The following TMEM44 variants were observed in gnomAD, a reference collection of about 807,000 sequenced individuals.
TMEM44 encodes transmembrane protein 44.
Under a neutral mutation model 47.8 loss-of-function variants are expected in TMEM44, and 43 were observed. The observed-to-expected ratio is 0.90, with a 90% confidence interval of 0.70 to 1.16. The LOEUF (loss-of-function observed/expected upper bound fraction) is 1.16. Ranked by LOEUF, TMEM44 falls within the 50% of genes most tolerant of loss-of-function variation. The probability of loss-of-function intolerance (pLI) is 0.00; values close to 1 mark genes in which losing one functional copy is unlikely to be tolerated. For synonymous variants in TMEM44, 277 were observed against 238.8 expected, an observed-to-expected ratio of 1.16 and a Z score of -1.48; for missense variants, 568 against 555.2, an observed-to-expected ratio of 1.02 and a Z score of -0.23.
chr3:194,617,262 C>T lies in TMEM44; in HGVS notation c.620G>A (p.Gly207Glu). 1 of 1,534,544 alleles carries T rather than the reference C, an allele frequency of 6.5e-7. No individual in the cohort carries two copies. Among genetic ancestry groups the T allele is most frequent in the Non-Finnish European group, 8.8e-7 (1 of 1,137,756 alleles). ...CAGGTGGATGGAGGGAAATGTCTTC[C>T]CCCGGCACTGGGCAGAGAGAGGGAG... ...RIPPLSRICR[G>E]KTFPSIHLWT... Residue 207 changes from glycine to glutamate, a missense_variant, in exon 6 of 10, where the codon GGG becomes GAG. Transcript: ENST00000347147.
chr3:194,607,109 G>T (rs1335805671), intron 8 of TMEM44, among the ~76,000 whole-genome samples: 1 of 152,108 alleles, frequency 6.6e-6, no homozygotes, highest in Non-Finnish European at 1.5e-5. Flanking sequence ...CCTGGTGGGA[G>T]GTGTCTGGAT....
At chr3:194,609,224 G>A (rs950610321) in intron 8 of TMEM44, among the ~76,000 whole-genome samples, 7 of 152,170 alleles carry the variant, frequency 4.6e-5, no homozygotes, top group Admixed American at 3.9e-4. Flanking sequence ...CTGGGCAGCC[G>A]AGATGGGAAC....
At chr3:194,599,868 T>C (rs1157943339) in intron 9 of TMEM44, among the ~76,000 whole-genome samples, 1 of 67,092 alleles carries the variant, frequency 1.5e-5, no homozygotes, top group Non-Finnish European at 3.1e-5. Flanking sequence ...CAAGTGATTC[T>C]CCTATCTCAG....
intron 8 of TMEM44, among the ~76,000 whole-genome samples, chr3:194,610,382 C>CAGCAGA (rs1307968247): frequency 1.3e-5 from 2 of 152,088 alleles, no homozygotes; most frequent in African/African-American, 4.8e-5. Flanking sequence ...CTTTGAAAAC[C>CAGCAGA]AGCAGAAGCA....
chr3:194,609,390 A>G (rs1182673274), intron 8 of TMEM44, among the ~76,000 whole-genome samples: 3 of 152,168 alleles, frequency 2.0e-5, no homozygotes, highest in Non-Finnish European at 1.5e-5. Flanking sequence ...GCTTACCCAG[A>G]GGAGCCAGCA....
intron 5 of TMEM44, 73 bp from the exon 6 acceptor site, chr3:194,617,342 C>CA (rs1716025806): frequency 6.9e-7 from 1 of 1,440,390 alleles, no homozygotes; most frequent in African/African-American, 1.4e-5. Flanking sequence ...AGTGGCACAG[C>CA]AGGTTGCGGG....
intron 8 of TMEM44, among the ~76,000 whole-genome samples, chr3:194,610,689 T>G (rs1715224737): frequency 6.6e-6 from 1 of 152,212 alleles, no homozygotes; most frequent in Non-Finnish European, 1.5e-5. Flanking sequence ...AAGCTGTTTT[T>G]TCTTGTTACT....
chr3:194,608,930 G>C (rs1363454481), intron 8 of TMEM44, among the ~76,000 whole-genome samples: 2 of 152,208 alleles, frequency 1.3e-5, no homozygotes, highest in African/African-American at 2.4e-5. Flanking sequence ...GAGATGGGCA[G>C]GGCAGGACCA....
Position 194,588,389 on chromosome 3 carries a change from C to T in TMEM44, c.*140G>A, listed in dbSNP as rs1456415781. 2 of 694,794 alleles carry T rather than the reference C, an allele frequency of 2.9e-6. No individual in the cohort carries two copies. Among genetic ancestry groups the T allele is most frequent in the Non-Finnish European group, 4.9e-6 (2 of 409,332 alleles). 43.0% of individuals were successfully genotyped at this position (694,794 alleles called of 1,614,324 possible). ...TGAGCTATGATGTAGCCCAGCCACACTCAGTGACGGCTCCTGGTTCCTCAC... is the reference window on the plus strand; with the variant it reads ...TGAGCTATGATGTAGCCCAGCCACATTCAGTGACGGCTCCTGGTTCCTCAC... On this transcript the variant is annotated 3_prime_UTR_variant, in exon 10 of 10. Coordinates refer to ENST00000347147, the MANE Select transcript of TMEM44 (RefSeq NM_001011655.3).
At chr3:194,630,373 C>G (rs1459435784) in intron 1 of TMEM44, among the ~76,000 whole-genome samples, 2 of 111,742 alleles carry the variant, frequency 1.8e-5, no homozygotes, top group African/African-American at 7.3e-5. Flanking sequence ...ACCTGCCTCC[C>G]GAAGGGGCTG....
In TMEM44 at chr3:194,633,116, T is replaced by C; in HGVS notation, c.100A>G (p.Ile34Val). 1.3e-6 allele frequency: 2 copies of C among 1,550,922 alleles called. No individual in the cohort carries two copies. Among genetic ancestry groups the C allele is most frequent in the Non-Finnish European group, 1.7e-6 (2 of 1,147,798 alleles). Residue 34 changes from isoleucine to valine, a missense_variant, in exon 1 of 10, where the codon ATC becomes GTC. By Grantham distance (29) the Ile-to-Val change is conservative. Coordinates refer to ENST00000347147, the MANE Select transcript of TMEM44 (RefSeq NM_001011655.3). ...HRVCISFGLW[I>V]CASSCWIAAH... ...GCGATCCAGCAGGAGGAGGCGCAGA[T>C]CCACAGGCCGAAGGAGATGCAGACG...
Position 194,593,202 on chromosome 3 carries a change from G to T in TMEM44, c.1177-4563C>A, listed in dbSNP as rs1046647676. ...GAGACAGGCCCTTAGATGGTTGGGG[G>T]CAAAGGAACAGGTGACTTCAGCAAG... is the stretch of plus-strand genomic sequence containing the variant. On this transcript the variant is annotated intron_variant, in intron 9 of 9. Coordinates refer to ENST00000347147, the MANE Select transcript of TMEM44 (RefSeq NM_001011655.3). The T allele has an allele frequency of 1.6e-5, 14 of 902,454 alleles. 1 individual carries two copies. Among genetic ancestry groups the T allele is most frequent in the Non-Finnish European group, 2.5e-5 (14 of 553,584 alleles). The allele number at this position is 902,454 out of a possible 1,614,324, so 55.9% of individuals were successfully genotyped here.
intron 2 of TMEM44, among the ~76,000 whole-genome samples, chr3:194,628,023 C>T (rs1717358027): frequency 6.6e-6 from 1 of 152,060 alleles, no homozygotes; most frequent in Non-Finnish European, 1.5e-5. Context: ...TCAATAAGAC[C>T]TCCCCTGCTT....
chr3:194,590,763 G>A (rs1016947069), intron 9 of TMEM44, among the ~76,000 whole-genome samples: 4 of 152,116 alleles, frequency 2.6e-5, no homozygotes, highest in Non-Finnish European at 5.9e-5. Flanking sequence ...AGCTCCTAGG[G>A]TGATTCTTAG....
chr3:194,590,818 T>G (rs1486031060), intron 9 of TMEM44, among the ~76,000 whole-genome samples: 1 of 152,176 alleles, frequency 6.6e-6, no homozygotes, highest in Non-Finnish European at 1.5e-5. Flanking sequence ...CTTAAATGGC[T>G]GCTGAAGAAT....
chr3:194,602,692 G>A (rs1354539934), intron 9 of TMEM44, among the ~76,000 whole-genome samples: 2 of 152,264 alleles, frequency 1.3e-5, no homozygotes, highest in East Asian at 3.9e-4. Flanking sequence ...GACCTGTGGC[G>A]AAAGGGCCAG....
chr3:194,601,392 C>T (rs1243871462), intron 9 of TMEM44, among the ~76,000 whole-genome samples: 1 of 151,322 alleles, frequency 6.6e-6, no homozygotes, highest in East Asian at 1.9e-4. Context: ...GAAACCTCCG[C>T]CTCCTGGGTT....
intron 9 of TMEM44, among the ~76,000 whole-genome samples, chr3:194,590,916 G>A (rs555926816): frequency 2.1e-3 from 327 of 152,238 alleles, no homozygotes; most frequent in Non-Finnish European, 3.9e-3. Context: ...AGTACAGGCC[G>A]GGCACGGGGA....
chr3:194,615,724 A>C, intron 6 of TMEM44, 27 bp from the exon 7 acceptor site: 4 of 1,612,028 alleles, frequency 2.5e-6, no homozygotes, highest in South Asian at 1.1e-5. Context: ...TAAGGTAGGA[A>C]GCAGAATATT....
Sources: gnomAD v4.1 joint callset for allele counts (sites outside exome capture counted in the v4.1 genomes callset) on GRCh38, gnomAD v4.1.1 for gene constraint, MANE v1.5 for transcripts, NCBI Gene and HGNC (gene_info 2026-07-23, HGNC 2026-07-21) for gene names.